Variants in UBE3C observed in about 807,000 individuals in gnomAD.
The protein encoded by UBE3C is ubiquitin-protein ligase E3C.
A neutral mutation model predicts 129.4 loss-of-function variants in UBE3C; 42 were observed. The observed-to-expected ratio is 0.32, with a 90% CI of 0.25 to 0.42. UBE3C has a LOEUF of 0.42. Among genes scored for constraint, UBE3C ranks in the 10% least tolerant of loss-of-function variants. The probability of loss-of-function intolerance (pLI) is 1.00; values close to 1 mark genes in which losing one functional copy is unlikely to be tolerated. For synonymous variants in UBE3C, 510 were observed against 492.4 expected, an observed-to-expected ratio of 1.04 and a Z score of -0.47; for missense variants, 1,049 against 1,319.1, an observed-to-expected ratio of 0.80 and a Z score of 3.17.
chr7:157,223,722 C>A (rs970386517), intron 16 of UBE3C, among the ~76,000 whole-genome samples: 4 of 152,082 alleles, frequency 2.6e-5, no homozygotes, highest in Admixed American at 2.0e-4. Context: ...GAGTTTAAGA[C>A]CAGCCTGGGA....
At chr7:157,209,624 G>A (rs1809533799) in intron 13 of UBE3C, among the ~76,000 whole-genome samples, 1 of 152,114 alleles carries the variant, frequency 6.6e-6, no homozygotes, top group African/African-American at 2.4e-5. Context: ...TGTTAATAAA[G>A]CTTTCCATGA....
At chr7:157,207,370 G>GC in intron 11 of UBE3C, 28 bp from the exon 12 acceptor site, 2 of 1,589,396 alleles carry the variant, frequency 1.3e-6, no homozygotes, top group East Asian at 4.5e-5. Context: ...AAAGTGACTG[G>GC]TTTTTTTCTT....
intron 5 of UBE3C, among the ~76,000 whole-genome samples, chr7:157,176,256 T>G (rs1399222437): frequency 6.6e-6 from 1 of 151,982 alleles, no homozygotes. Flanking sequence ...AGCAAGACCA[T>G]GTTTCTTTTT....
chr7:157,185,949 T>C (rs531864708), intron 9 of UBE3C, among the ~76,000 whole-genome samples: 6 of 152,266 alleles, frequency 3.9e-5, no homozygotes, highest in Middle Eastern at 3.4e-3. Flanking sequence ...CCCAATGTTA[T>C]ATATATTCAC....
rs80193854 is a variant in UBE3C, at chr7:157,206,083, T to A, written c.1419-1315T>A. 8.5e-3 allele frequency among the ~76,000 whole-genome samples: 1,292 copies of A among 152,342 alleles called. 8 individuals carry two copies. The highest frequency in any genetic ancestry group is 0.027 in the Middle Eastern group (8 of 294). ...GATAAGAGAGTGATCTTGCTCACAG[T>A]GTCTGTTAACCTGTGATTGATTTGA... On this transcript the variant is annotated intron_variant, in intron 11 of 22. Transcript: ENST00000348165.
chr7:157,241,088 G>C (rs926729549), intron 18 of UBE3C, among the ~76,000 whole-genome samples: 3 of 152,102 alleles, frequency 2.0e-5, no homozygotes, highest in African/African-American at 7.2e-5. Flanking sequence ...GGAGCACAGG[G>C]GGCCTACCTC....
chr7:157,193,658 T>C (rs1175633309), intron 10 of UBE3C, among the ~76,000 whole-genome samples: 1 of 134,016 alleles, frequency 7.5e-6, no homozygotes, highest in Non-Finnish European at 1.5e-5. Context: ...TTCAGAAATT[T>C]GTCTTTTTTT....
At chr7:157,204,239 T>C (rs1478122438) in intron 11 of UBE3C, among the ~76,000 whole-genome samples, 2 of 149,166 alleles carry the variant, frequency 1.3e-5, no homozygotes, top group Non-Finnish European at 2.9e-5. Flanking sequence ...GGCACTCAAT[T>C]TAAGTCAAAA....
chr7:157,150,505 AT>A (rs1807727939), intron 1 of UBE3C, among the ~76,000 whole-genome samples: 1 of 152,248 alleles, frequency 6.6e-6, no homozygotes, highest in Admixed American at 6.5e-5. Context: ...GGGAAAGGTG[AT>A]TTATGGCATT....
At position 157,183,942 on chromosome 7, in the gene UBE3C, A is replaced by G. The variant is rs752326793; in HGVS notation, c.1056A>G (p.Leu352=). The G allele has an allele frequency of 5.6e-6, 9 of 1,614,006 alleles. No individual in the cohort carries two copies. The highest frequency in any genetic ancestry group is 7.6e-6 in the Non-Finnish European group (9 of 1,180,036). ...LRVLQTFLSQ[L]PVSPASASCH... ...TGCTGCAGACCTTCCTCTCTCAGTT[A>G]CCAGTCTCTCCTGCCAGCGCGAGCT... The change falls in exon 9 of 23, where the codon TTA becomes TTG. Residue 352 remains leucine (L), a synonymous_variant. Transcript: ENST00000348165.
In UBE3C at chr7:157,265,626, A is replaced by G. The variant is rs183962753; in HGVS notation, c.3082-1959A>G. 5.9e-5 allele frequency among the ~76,000 whole-genome samples: 9 copies of G among 152,358 alleles called. No homozygotes were observed. In the East Asian group the frequency reaches 1.7e-3, roughly 29 times the overall value. On this transcript the variant is annotated intron_variant, in intron 22 of 22. Transcript: ENST00000348165. ...GGAACACCATATAGCCTCACCATTAATAGGCAAGATGAGCGAGACCCATTA... is the reference window on the plus strand; with the variant it reads ...GGAACACCATATAGCCTCACCATTAGTAGGCAAGATGAGCGAGACCCATTA...
chr7:157,256,764 A>G, intron 21 of UBE3C, 150 bp from the exon 22 acceptor site: 1 of 883,754 alleles, frequency 1.1e-6, no homozygotes, highest in Non-Finnish European at 1.8e-6. Flanking sequence ...CAGCACGTAC[A>G]CAGGTGATAC....
At chr7:157,161,566 C>T (rs1808071782) in intron 1 of UBE3C, among the ~76,000 whole-genome samples, 1 of 151,898 alleles carries the variant, frequency 6.6e-6, no homozygotes, top group Non-Finnish European at 1.5e-5. Flanking sequence ...ATCTTTCTGC[C>T]TCAACCCCCA....
At chr7:157,244,334 T>A (rs1796421353) in intron 18 of UBE3C, among the ~76,000 whole-genome samples, 1 of 152,200 alleles carries the variant, frequency 6.6e-6, no homozygotes, top group Non-Finnish European at 1.5e-5. Flanking sequence ...GGGACTTTGT[T>A]TTTCAATTCC....
chr7:157,206,611 C>CA (rs1171104991), intron 11 of UBE3C, among the ~76,000 whole-genome samples: 2 of 150,708 alleles, frequency 1.3e-5, no homozygotes, highest in African/African-American at 4.9e-5. Context: ...TTCTTTGAAA[C>CA]AGAGTCTGGC....
intron 22 of UBE3C, 56 bp downstream of exon 22, chr7:157,257,100 C>G: frequency 6.2e-7 from 1 of 1,604,438 alleles, no homozygotes; most frequent in South Asian, 1.1e-5. Context: ...AGAAAGGCAG[C>G]AGAACATTCA....
In UBE3C at chr7:157,225,387, C is replaced by G. The variant is rs747081211; in HGVS notation, c.2101-20C>G. ...AGGTCTTTTGTTTCTAATAACCTTA[C>G]AGCTTTCCTTGTTTGTTAGATCTTT... On this transcript the variant is annotated intron_variant, in intron 16 of 22. Transcript: ENST00000348165. The G allele has an allele frequency of 1.9e-6, 3 of 1,587,906 alleles. No individual in the cohort carries two copies. Among genetic ancestry groups the G allele is most frequent in the Non-Finnish European group, 2.6e-6 (3 of 1,173,308 alleles).
At chr7:157,217,540 G>A (rs568350561) in intron 14 of UBE3C, among the ~76,000 whole-genome samples, 17 of 152,214 alleles carry the variant, frequency 1.1e-4, no homozygotes, top group African/African-American at 4.1e-4. Context: ...TGATACGTTA[G>A]TAAAAAATTT....
intron 16 of UBE3C, among the ~76,000 whole-genome samples, chr7:157,225,106 G>T (rs192658560): frequency 3.0e-4 from 45 of 152,228 alleles, no homozygotes; most frequent in African/African-American, 9.6e-4. Context: ...GGGTTCACAA[G>T]ATTCTCGTGC....
Sources: allele counts gnomAD v4.1 joint callset (sites outside exome capture counted in the v4.1 genomes callset), GRCh38; gene constraint gnomAD v4.1.1; transcripts MANE v1.5; gene names NCBI Gene and HGNC (gene_info 2026-07-23, HGNC 2026-07-21).